The following ASIC2 variants were observed in gnomAD, a reference collection of about 807,000 sequenced individuals.
The protein encoded by ASIC2 is acid sensing ion channel subunit 2, also known as acid-sensing ion channel 2.
ASIC2 carries 25 observed loss-of-function variants against 57.3 expected under a neutral mutation model. That is an observed-to-expected ratio of 0.44 (90% confidence interval 0.32 to 0.61). The LOEUF (loss-of-function observed/expected upper bound fraction) is 0.61. Among genes scored for constraint, ASIC2 ranks in the 20% least tolerant of loss-of-function variants. The pLI is 0.06. For missense variants in ASIC2, 641 were observed against 738.1 expected, an observed-to-expected ratio of 0.87 and a Z score of 1.52; for synonymous variants, 319 against 307.5, an observed-to-expected ratio of 1.04 and a Z score of -0.39.
At chr17:33,400,157 C>G (rs115039198) in intron 1 of ASIC2, among the ~76,000 whole-genome samples, 115 of 152,296 alleles carry the variant, frequency 7.6e-4, no homozygotes, top group African/African-American at 2.6e-3. Context: ...TCTCCTCAAA[C>G]TGCAAAGTCA....
chr17:33,806,676 T>G (rs1233039608), intron 1 of ASIC2, among the ~76,000 whole-genome samples: 1 of 152,220 alleles, frequency 6.6e-6, no homozygotes. Context: ...AGAGCACTTT[T>G]GCACTGAAGG....
At chr17:33,682,656 C>T (rs1376358580) in intron 1 of ASIC2, among the ~76,000 whole-genome samples, 1 of 151,612 alleles carries the variant, frequency 6.6e-6, no homozygotes, top group East Asian at 1.9e-4. Flanking sequence ...TTCTGCTGAG[C>T]CAGTGCAAAC....
At chr17:33,439,615 G>T (rs1042734940) in intron 1 of ASIC2, among the ~76,000 whole-genome samples, 1 of 152,204 alleles carries the variant, frequency 6.6e-6, no homozygotes, top group Non-Finnish European at 1.5e-5. Flanking sequence ...TTTCAGGCAT[G>T]TTGAAATCAA....
At chr17:33,830,296 T>C (rs72483210) in intron 1 of ASIC2, among the ~76,000 whole-genome samples, 11,203 of 152,188 alleles carry the variant, frequency 0.074, 469 homozygotes, top group East Asian at 0.19. Flanking sequence ...GAAGAGAAGG[T>C]AGGGTGGTCC....
At chr17:33,143,748 C>T (rs1343824386) in intron 1 of ASIC2, among the ~76,000 whole-genome samples, 5 of 152,058 alleles carry the variant, frequency 3.3e-5, no homozygotes, top group Non-Finnish European at 2.9e-5. Context: ...CCAAAAAAAC[C>T]CCCATAAAAC....
chr17:33,274,855 C>A (rs2142161597), intron 1 of ASIC2, among the ~76,000 whole-genome samples: 1 of 152,296 alleles, frequency 6.6e-6, no homozygotes, highest in Non-Finnish European at 1.5e-5. Flanking sequence ...GAGTGCAACT[C>A]TGGTCTCCTG....
chr17:33,973,412 TAA>T (rs1567774655), intron 1 of ASIC2, among the ~76,000 whole-genome samples: 1 of 152,144 alleles, frequency 6.6e-6, no homozygotes, highest in African/African-American at 2.4e-5. Context: ...AAGCTGTGCT[TAA>T]AGAGCCCTGG....
Position 33,032,440 on chromosome 17 carries a change from G to GTTTTTTTTT in ASIC2, c.988-4057_988-4049dup, listed in dbSNP as rs60183644. On this transcript the variant is annotated intron_variant, in intron 3 of 9. Transcript: ENST00000225823. ...TCTGTTATAAGCACTATAATACACT[G>GTTTTTTTTT]TTTTTTTTTTTTTTTTTTTTTTTTT... Among the ~76,000 whole-genome samples, 34 of 94,110 alleles carry GTTTTTTTTT rather than the reference G, an allele frequency of 3.6e-4. 7 individuals are homozygous for GTTTTTTTTT. Among genetic ancestry groups the GTTTTTTTTT allele is most frequent in the South Asian group, 1.0e-3 (3 of 2,942 alleles). 61.7% of individuals were successfully genotyped at this position (94,110 alleles called of 152,430 possible).
chr17:33,136,041 G>A (rs2092365717), intron 1 of ASIC2, among the ~76,000 whole-genome samples: 1 of 152,208 alleles, frequency 6.6e-6, no homozygotes, highest in Non-Finnish European at 1.5e-5. Flanking sequence ...AGAGATTCAT[G>A]TCAGTGGGCG....
intron 1 of ASIC2, among the ~76,000 whole-genome samples, chr17:33,393,624 A>G (rs1909976650): frequency 6.6e-6 from 1 of 152,094 alleles, no homozygotes; most frequent in South Asian, 2.1e-4. Context: ...GAATAATAAA[A>G]CCTATCTCAT....
intron 1 of ASIC2, among the ~76,000 whole-genome samples, chr17:34,102,559 G>T (rs1014068933): frequency 6.6e-6 from 1 of 152,032 alleles, no homozygotes; most frequent in African/African-American, 2.4e-5. Flanking sequence ...CATATAAATA[G>T]AATCATATGG....
chr17:33,967,986 G>A (rs1057505242), intron 1 of ASIC2, among the ~76,000 whole-genome samples: 7 of 152,162 alleles, frequency 4.6e-5, no homozygotes, highest in Non-Finnish European at 8.8e-5. Flanking sequence ...GCCAGTCCTG[G>A]AAGCAGCTGC....
At chr17:33,763,094 C>T (rs1328633684) in intron 1 of ASIC2, among the ~76,000 whole-genome samples, 1 of 152,110 alleles carries the variant, frequency 6.6e-6, no homozygotes, top group African/African-American at 2.4e-5. Context: ...ACTCCAATTC[C>T]AGGGCTCTTT....
intron 1 of ASIC2, among the ~76,000 whole-genome samples, chr17:33,882,150 A>G (rs889681089): frequency 2.0e-5 from 3 of 152,262 alleles, no homozygotes; most frequent in African/African-American, 7.2e-5. Context: ...CTAAAACCAT[A>G]AAAACCCTAG....
chr17:33,803,490 G>A (rs16968917), intron 1 of ASIC2, among the ~76,000 whole-genome samples: 6,468 of 151,984 alleles, frequency 0.043, 170 homozygotes, highest in Middle Eastern at 0.092. Context: ...GTTCACTATG[G>A]TTGATGCGGT....
chr17:33,727,302 T>C (rs1462095187), intron 1 of ASIC2, among the ~76,000 whole-genome samples: 1 of 152,224 alleles, frequency 6.6e-6, no homozygotes, highest in Non-Finnish European at 1.5e-5. Context: ...CCCATGTCTA[T>C]ATGCAGGAAC....
intron 1 of ASIC2, among the ~76,000 whole-genome samples, chr17:33,550,335 T>C (rs958366508): frequency 6.6e-6 from 1 of 152,256 alleles, no homozygotes; most frequent in Non-Finnish European, 1.5e-5. Context: ...CGGTCTGCTA[T>C]GTGAGTGCTG....
intron 1 of ASIC2, among the ~76,000 whole-genome samples, chr17:33,246,552 C>T (rs943715567): frequency 2.0e-5 from 3 of 152,154 alleles, no homozygotes; most frequent in African/African-American, 4.8e-5. Context: ...GGCAAATAGG[C>T]GCTGTGCCAG....
intron 1 of ASIC2, among the ~76,000 whole-genome samples, chr17:33,703,587 A>G (rs887818015): frequency 2.6e-5 from 4 of 152,148 alleles, no homozygotes; most frequent in South Asian, 2.1e-4. Flanking sequence ...TCCTGAGCTC[A>G]AGCAATCCAC....
Sources: allele counts gnomAD v4.1 joint callset (sites outside exome capture counted in the v4.1 genomes callset), GRCh38; gene constraint gnomAD v4.1.1; transcripts MANE v1.5; gene names NCBI Gene and HGNC (gene_info 2026-07-23, HGNC 2026-07-21).